MAGI2: variants seen among roughly 807,000 people sequenced by gnomAD.
MAGI2 encodes the protein membrane-associated guanylate kinase, WW and PDZ domain-containing protein 2.
MAGI2 carries 35 observed loss-of-function variants against 133.3 expected under a neutral mutation model. The ratio of observed to expected loss-of-function variants is 0.26; its 90% CI spans 0.20 to 0.35. The LOEUF (loss-of-function observed/expected upper bound fraction) is 0.35. Among genes scored for constraint, MAGI2 ranks in the 10% least tolerant of loss-of-function variants. The pLI, the probability that MAGI2 is intolerant of heterozygous loss-of-function variation, is 1.00. For synonymous variants in MAGI2, 729 were observed against 710.6 expected (o/e 1.03, Z -0.41); for missense variants, 1,636 against 1,863.4 (o/e 0.88, Z 2.25).
intron 2 of MAGI2, among the ~76,000 whole-genome samples, chr7:78,775,380 G>A (rs866714839): frequency 3.7e-5 from 5 of 135,190 alleles, no homozygotes; most frequent in Admixed American, 7.6e-5. Flanking sequence ...TCAAAGGCAG[G>A]CCAAAAATTA....
intron 1 of MAGI2, among the ~76,000 whole-genome samples, chr7:79,012,734 T>A (rs1278316423): frequency 6.6e-6 from 1 of 152,072 alleles, no homozygotes; most frequent in Admixed American, 6.6e-5. Flanking sequence ...TTTTTTCTCA[T>A]CTATAAAAGG....
intron 1 of MAGI2, among the ~76,000 whole-genome samples, chr7:79,360,591 C>A (rs984640297): frequency 6.6e-6 from 1 of 151,768 alleles, no homozygotes; most frequent in Non-Finnish European, 1.5e-5. Context: ...GGAAAAGGAA[C>A]CTAAGTGGAA....
intron 1 of MAGI2, among the ~76,000 whole-genome samples, chr7:79,026,898 G>A (rs1253440921): frequency 6.6e-6 from 1 of 150,826 alleles, no homozygotes. Context: ...AAAATGGGCA[G>A]GAGAGCTGAA....
intron 1 of MAGI2, among the ~76,000 whole-genome samples, chr7:79,115,892 A>G (rs1221391295): frequency 7.4e-6 from 1 of 134,292 alleles, no homozygotes; most frequent in Non-Finnish European, 1.6e-5. Flanking sequence ...TAAAGAAACA[A>G]CATTACTGGA....
chr7:78,082,572 G>T (rs1816100892), intron 20 of MAGI2, among the ~76,000 whole-genome samples: 2 of 152,150 alleles, frequency 1.3e-5, no homozygotes, highest in Admixed American at 6.5e-5. Flanking sequence ...CCCATTCCAG[G>T]GTATCAGTGC....
intron 2 of MAGI2, among the ~76,000 whole-genome samples, chr7:78,860,476 A>C (rs1794064413): frequency 1.3e-5 from 2 of 152,180 alleles, no homozygotes; most frequent in African/African-American, 4.8e-5. Flanking sequence ...CAGGACCCTC[A>C]GCTGCAGGTC....
chr7:78,782,500 A>G (rs911799766), intron 2 of MAGI2, among the ~76,000 whole-genome samples: 4 of 152,154 alleles, frequency 2.6e-5, no homozygotes, highest in Non-Finnish European at 4.4e-5. Flanking sequence ...AGAGCTGGGA[A>G]TGCAGATTTA....
intron 2 of MAGI2, among the ~76,000 whole-genome samples, chr7:78,949,231 G>A (rs910803648): frequency 6.6e-6 from 1 of 152,128 alleles, no homozygotes; most frequent in Non-Finnish European, 1.5e-5. Context: ...ATTTAGAAAA[G>A]TTCTATGATG....
intron 4 of MAGI2, chr7:78,518,472 G>A (rs1298166478): frequency 1.3e-5 from 2 of 152,072 alleles, no homozygotes; most frequent in African/African-American, 4.8e-5. Context: ...ATAGTTAAAT[G>A]AACTAATACC....
chr7:79,357,680 A>C (rs1042239945), intron 1 of MAGI2, among the ~76,000 whole-genome samples: 10 of 152,150 alleles, frequency 6.6e-5, no homozygotes, highest in African/African-American at 2.4e-4. Context: ...TAAGTCATCT[A>C]TTTTGACTTA....
At chr7:79,171,148 T>C (rs1015218548) in intron 1 of MAGI2, among the ~76,000 whole-genome samples, 2 of 152,090 alleles carry the variant, frequency 1.3e-5, no homozygotes, top group African/African-American at 4.8e-5. Context: ...TATTTTCCCA[T>C]GGTTCTAGAA....
chr7:79,039,466 T>C (rs913344364), intron 1 of MAGI2, among the ~76,000 whole-genome samples: 2 of 152,240 alleles, frequency 1.3e-5, no homozygotes, highest in East Asian at 3.9e-4. Flanking sequence ...CTGGAAGTGT[T>C]ATTGCTTTAT....
chr7:78,224,289 G>A (rs987733104), intron 10 of MAGI2, among the ~76,000 whole-genome samples: 1 of 152,126 alleles, frequency 6.6e-6, no homozygotes, highest in East Asian at 1.9e-4. Context: ...TGACTTGTGA[G>A]GTGAGTTATC....
chr7:78,162,209 T>C (rs1001901570), intron 15 of MAGI2, among the ~76,000 whole-genome samples: 2 of 151,878 alleles, frequency 1.3e-5, no homozygotes, highest in Admixed American at 1.3e-4. Context: ...TTTTAGGAGG[T>C]TGAGAGCTGT....
chr7:78,583,880 T>C (rs568457408), intron 3 of MAGI2, among the ~76,000 whole-genome samples: 13 of 152,330 alleles, frequency 8.5e-5, no homozygotes, highest in South Asian at 2.1e-4. Context: ...TGAGTCCTTA[T>C]AATGGAGAAT....
intron 1 of MAGI2, among the ~76,000 whole-genome samples, chr7:79,293,766 G>A (rs1836686804): frequency 6.6e-6 from 1 of 152,190 alleles, no homozygotes. Context: ...CCTACACCGG[G>A]AGACCTCTCA....
intron 7 of MAGI2, among the ~76,000 whole-genome samples, chr7:78,361,138 G>T (rs187048004): frequency 6.6e-6 from 1 of 152,154 alleles, no homozygotes; most frequent in East Asian, 1.9e-4. Flanking sequence ...GCTCACTCCT[G>T]TAATCCTAGC....
At chr7:78,773,788 T>A (rs897052574) in intron 2 of MAGI2, among the ~76,000 whole-genome samples, 1 of 152,100 alleles carries the variant, frequency 6.6e-6, no homozygotes, top group South Asian at 2.1e-4. Context: ...GGGCTGCGAG[T>A]GATCTTAAAT....
intron 3 of MAGI2, among the ~76,000 whole-genome samples, chr7:78,607,511 AAAAG>A (rs1805953660): frequency 6.6e-6 from 1 of 151,918 alleles, no homozygotes. Context: ...AAAAAAAAAA[AAAAG>A]AGAGTCTCTG....
Sources: gnomAD v4.1 joint callset for allele counts (sites outside exome capture counted in the v4.1 genomes callset) on GRCh38, gnomAD v4.1.1 for gene constraint, MANE v1.5 for transcripts, NCBI Gene and HGNC (gene_info 2026-07-23, HGNC 2026-07-21) for gene names.